Variants in ANGPTL5 observed in about 807,000 individuals in gnomAD.
ANGPTL5 encodes angiopoietin-related protein 5.
ANGPTL5 carries 34 observed loss-of-function variants against 39.4 expected under a neutral mutation model. The observed-to-expected ratio is 0.86, with a 90% confidence interval of 0.66 to 1.15. The LOEUF (loss-of-function observed/expected upper bound fraction) is 1.15, where lower values mean the gene tolerates loss of function less well. Among genes scored for constraint, ANGPTL5 ranks in the 50% most tolerant of loss-of-function variants. ANGPTL5 has a pLI of 0.00. For missense variants in ANGPTL5, 467 were observed against 457.5 expected, an observed-to-expected ratio of 1.02 and a Z score of -0.19; for synonymous variants, 146 against 152.1, an observed-to-expected ratio of 0.96 and a Z score of 0.29.
intron 1 of ANGPTL5, among the ~76,000 whole-genome samples, chr11:101,910,937 C>T (rs1049050647): frequency 6.6e-6 from 1 of 151,982 alleles, no homozygotes; most frequent in Admixed American, 6.6e-5. Flanking sequence ...CTAATCAAAA[C>T]TCTCAAATGG....
Position 101,900,498 on chromosome 11 carries a change from C to A in ANGPTL5, c.593G>T (p.Arg198Ile). Reference protein sequence around the residue: ...RGGGRTVIQKRIDGIIDFQRL... With the variant: ...RGGGRTVIQKIIDGIIDFQRL... ...CTGGAAATCAATTATCCCATCAATT[C>A]TTTTCTGTATCACAGTCCGTCCACC... The change falls in exon 7 of 9, where the codon AGA becomes ATA. Residue 198 changes from arginine (R) to isoleucine (I), a missense_variant. Coordinates refer to ENST00000334289, the MANE Select transcript of ANGPTL5 (RefSeq NM_178127.5). 6.2e-7 allele frequency: 1 copy of A among 1,613,116 alleles called. No individual in the cohort carries two copies. Among genetic ancestry groups the A allele is most frequent in the Non-Finnish European group, 8.5e-7 (1 of 1,179,266 alleles).
intron 5 of ANGPTL5, among the ~76,000 whole-genome samples, chr11:101,903,878 C>A (rs995410410): frequency 8.3e-6 from 1 of 120,310 alleles, no homozygotes; most frequent in Admixed American, 8.0e-5. Flanking sequence ...GCCTGTGATT[C>A]GGGCATTTTT....
intron 1 of ANGPTL5, among the ~76,000 whole-genome samples, chr11:101,908,613 T>C (rs868573206): frequency 2.6e-5 from 4 of 151,928 alleles, no homozygotes; most frequent in Non-Finnish European, 5.9e-5. Flanking sequence ...ACCTCGTCTC[T>C]ACTAAAAAAT....
intron 8 of ANGPTL5, 61 bp downstream of exon 8, chr11:101,894,818 C>T: frequency 7.0e-7 from 1 of 1,420,068 alleles, no homozygotes; most frequent in Non-Finnish European, 9.9e-7. Context: ...TTTATCTTCA[C>T]TTAATAATGA....
chr11:101,891,633 G>C lies in ANGPTL5; in HGVS notation c.848-35C>G, dbSNP rs768802901. 6.3e-6 allele frequency: 10 copies of C among 1,579,370 alleles called. No homozygotes were observed. The Admixed American group carries it at 1.7e-4, about 27-fold the overall frequency. ...AAATTTTTAATGATCGAATTTAAAG[G>C]AAATTTCTATTATTTTAATTAATCA... is the stretch of plus-strand genomic sequence containing the variant. On this transcript the variant is annotated intron_variant, in intron 8 of 8. Coordinates refer to ENST00000334289, the MANE Select transcript of ANGPTL5 (RefSeq NM_178127.5).
chr11:101,908,777 T>C (rs977865435), intron 1 of ANGPTL5, among the ~76,000 whole-genome samples: 12 of 122,848 alleles, frequency 9.8e-5, no homozygotes, highest in African/African-American at 4.3e-4. Flanking sequence ...TGAGACTCCA[T>C]CTCAAAAAAA....
rs766291203 is a variant in ANGPTL5 at position 101,907,179 on chromosome 11, A to G, written c.165T>C (p.Thr55=). 1 of 1,583,362 alleles carries G rather than the reference A, an allele frequency of 6.3e-7. No homozygotes were observed. The highest frequency in any genetic ancestry group is 8.7e-7 in the Non-Finnish European group (1 of 1,154,870). Residue 55 remains threonine, a synonymous_variant, in exon 3 of 9, where the codon ACT becomes ACC. Coordinates refer to ENST00000334289, the MANE Select transcript of ANGPTL5 (RefSeq NM_178127.5). ...NAKDESKSND[T]VCKEDCEESC... is the part of the protein sequence containing the mutation. ...ATTCCTCACAGTCTTCCTTACAAAC[A>G]GTATCATTACTTTTACTTTCATCTT...
intron 6 of ANGPTL5, 38 bp from the exon 7 acceptor site, chr11:101,900,588 T>C (rs903696521): frequency 5.0e-6 from 8 of 1,589,532 alleles, no homozygotes; most frequent in Non-Finnish European, 6.9e-6. Flanking sequence ...TAATACACTA[T>C]TATTTTCATT....
rs574781616 is a variant in ANGPTL5, at chr11:101,914,759, A to AT, written c.-93+1259dup. On this transcript the variant is annotated intron_variant, in intron 1 of 8. Coordinates refer to ENST00000334289, the MANE Select transcript of ANGPTL5 (RefSeq NM_178127.5). Reference sequence around the variant, plus strand: ...CGGTGGCAATTGCCTGTATCTGAGGATTTTACATCTGTCTTTCGTCACTGT... The same window carrying AT: ...CGGTGGCAATTGCCTGTATCTGAGGATTTTTACATCTGTCTTTCGTCACTGT... Among the ~76,000 whole-genome samples the AT allele has an allele frequency of 1.6e-4, 24 of 152,280 alleles. No individual in the cohort carries two copies. The East Asian group carries it at 3.1e-3, about 20-fold the overall frequency.
At chr11:101,909,904 G>C (rs891061498) in intron 1 of ANGPTL5, among the ~76,000 whole-genome samples, 1 of 152,074 alleles carries the variant, frequency 6.6e-6, no homozygotes, top group Non-Finnish European at 1.5e-5. Context: ...GCCAATCATA[G>C]GCAGCCAACT....
In ANGPTL5 at chr11:101,891,214, G is replaced by C. The variant is rs1939685844; in HGVS notation, c.*65C>G. 1 of 1,440,374 alleles carries C rather than the reference G, an allele frequency of 6.9e-7. No homozygotes were observed. Among genetic ancestry groups the C allele is most frequent in the Non-Finnish European group, 9.4e-7 (1 of 1,059,490 alleles). 89.2% of individuals were successfully genotyped at this position (1,440,374 alleles called of 1,614,324 possible). On this transcript the variant is annotated 3_prime_UTR_variant, in exon 9 of 9. Coordinates refer to ENST00000334289, the MANE Select transcript of ANGPTL5 (RefSeq NM_178127.5). ...ATATGTTTGAAACACTAAGTGAAAA[G>C]ATAAACTTTTAAAAATCTTTAATAT...
At chr11:101,905,722 C>T in intron 4 of ANGPTL5, 22 bp downstream of exon 4, 1 of 1,510,080 alleles carries the variant, frequency 6.6e-7, no homozygotes, top group Non-Finnish European at 9.2e-7. Context: ...GCAATAACAA[C>T]ACAATACTAA....
chr11:101,892,227 T>A (rs1334924675), intron 8 of ANGPTL5, among the ~76,000 whole-genome samples: 2 of 151,856 alleles, frequency 1.3e-5, no homozygotes, highest in Non-Finnish European at 2.9e-5. Context: ...CATTGTTTTA[T>A]TTTGTTTTGT....
At chr11:101,912,556 TAAAG>T (rs1940107392) in intron 1 of ANGPTL5, among the ~76,000 whole-genome samples, 1 of 151,994 alleles carries the variant, frequency 6.6e-6, no homozygotes, top group Non-Finnish European at 1.5e-5. Context: ...TTTGAAGAAA[TAAAG>T]AAAGAATTTA....
intron 8 of ANGPTL5, among the ~76,000 whole-genome samples, chr11:101,893,345 T>C (rs974546270): frequency 3.3e-5 from 5 of 152,232 alleles, no homozygotes; most frequent in Non-Finnish European, 7.3e-5. Flanking sequence ...TTCATATCTC[T>C]GTTTTTGCTC....
intron 3 of ANGPTL5, among the ~76,000 whole-genome samples, chr11:101,906,602 C>A (rs903754410): frequency 6.6e-6 from 1 of 152,014 alleles, no homozygotes; most frequent in Admixed American, 6.6e-5. Context: ...TTTCTCAGAC[C>A]CTATGTGAGT....
At chr11:101,906,997 A>T (rs1940007343) in intron 3 of ANGPTL5, 106 bp downstream of exon 3, 2 of 835,464 alleles carry the variant, frequency 2.4e-6, no homozygotes, top group Non-Finnish European at 3.7e-6. Context: ...GATGATCAGG[A>T]TGTATAGAAA....
chr11:101,900,030 T>C (rs1939865932), intron 7 of ANGPTL5, among the ~76,000 whole-genome samples: 1 of 152,232 alleles, frequency 6.6e-6, no homozygotes, highest in Admixed American at 6.5e-5. Context: ...CACAGACACA[T>C]ACCTCAATTC....
At chr11:101,906,876 T>C (rs961783924) in intron 3 of ANGPTL5, among the ~76,000 whole-genome samples, 9 of 152,228 alleles carry the variant, frequency 5.9e-5, no homozygotes, top group Non-Finnish European at 1.0e-4. Flanking sequence ...TTGAGAAGCC[T>C]GAGACCCTTT....
Sources: gnomAD v4.1 joint callset for allele counts (sites outside exome capture counted in the v4.1 genomes callset) on GRCh38, gnomAD v4.1.1 for gene constraint, MANE v1.5 for transcripts, NCBI Gene and HGNC (gene_info 2026-07-23, HGNC 2026-07-21) for gene names.